CACNA2D3: variants seen among roughly 807,000 people sequenced by gnomAD.
CACNA2D3 encodes calcium voltage-gated channel auxiliary subunit alpha2delta 3.
CACNA2D3 carries 60 observed loss-of-function variants against 160.6 expected under a neutral mutation model. The ratio of observed to expected loss-of-function variants is 0.37; its 90% CI spans 0.30 to 0.46. The LOEUF (loss-of-function observed/expected upper bound fraction) is 0.46, where lower values mean the gene tolerates loss of function less well. Among genes scored for constraint, CACNA2D3 ranks in the 20% least tolerant of loss-of-function variants. The pLI, the probability that CACNA2D3 is intolerant of heterozygous loss-of-function variation, is 1.00. For missense variants in CACNA2D3, 1,205 were observed against 1,365.0 expected, an observed-to-expected ratio of 0.88 and a Z score of 1.85; for synonymous variants, 558 against 492.9, an observed-to-expected ratio of 1.13 and a Z score of -1.75.
chr3:54,469,535 A>G (rs1365510645), intron 4 of CACNA2D3, among the ~76,000 whole-genome samples: 1 of 152,150 alleles, frequency 6.6e-6, no homozygotes, highest in Non-Finnish European at 1.5e-5. Flanking sequence ...CCAAAGGATC[A>G]CAACGCCTTG....
intron 27 of CACNA2D3, chr3:54,918,800 G>A (rs1189551019): frequency 6.2e-7 from 1 of 1,613,710 alleles, no homozygotes; most frequent in African/African-American, 1.3e-5. Context: ...GCAGGAAGAG[G>A]GCAGGGCTGG....
chr3:54,344,637 G>A (rs1205659807), intron 3 of CACNA2D3, among the ~76,000 whole-genome samples: 3 of 152,098 alleles, frequency 2.0e-5, no homozygotes, highest in East Asian at 1.9e-4. Flanking sequence ...GCTCTGTGAC[G>A]TCTATGTAGA....
At chr3:54,219,901 T>A (rs1375458938) in intron 2 of CACNA2D3, among the ~76,000 whole-genome samples, 1 of 151,516 alleles carries the variant, frequency 6.6e-6, no homozygotes, top group Non-Finnish European at 1.5e-5. Context: ...TCTTCTTAAT[T>A]AAAAAAAAAC....
At chr3:54,532,632 T>C (rs1038790343) in intron 5 of CACNA2D3, among the ~76,000 whole-genome samples, 13 of 152,240 alleles carry the variant, frequency 8.5e-5, no homozygotes, top group African/African-American at 3.1e-4. Context: ...AGACATGATT[T>C]CATTCTTTTT....
chr3:54,520,683 T>C (rs892374060), intron 5 of CACNA2D3, among the ~76,000 whole-genome samples: 4 of 152,210 alleles, frequency 2.6e-5, no homozygotes, highest in South Asian at 2.1e-4. Flanking sequence ...TTCACAGATA[T>C]TTGCAGCCAT....
rs538928338 is a variant in CACNA2D3, at chr3:55,049,620, C to T, written c.2988-23825C>T. Among the ~76,000 whole-genome samples the T allele has an allele frequency of 2.2e-3, 332 of 148,616 alleles. 1 individual carries two copies. Among genetic ancestry groups the T allele is most frequent in the Non-Finnish European group, 3.5e-3 (236 of 67,522 alleles). ...GAGTTCTGTAGATGTCTACTAGGTCCGCTTGGTGCAGAGCTGAGTTCAATT... is the reference window on the plus strand; with the variant it reads ...GAGTTCTGTAGATGTCTACTAGGTCTGCTTGGTGCAGAGCTGAGTTCAATT... On this transcript the variant is annotated intron_variant, in intron 35 of 37. Transcript: ENST00000474759.
intron 2 of CACNA2D3, among the ~76,000 whole-genome samples, chr3:54,280,618 C>T (rs930955505): frequency 5.3e-5 from 8 of 152,090 alleles, no homozygotes; most frequent in South Asian, 2.1e-4. Flanking sequence ...CTTGATTCCC[C>T]GCCACAGTTT....
chr3:54,930,300 C>G (rs1397303440), intron 27 of CACNA2D3, among the ~76,000 whole-genome samples: 1 of 152,144 alleles, frequency 6.6e-6, no homozygotes, highest in African/African-American at 2.4e-5. Context: ...CCTCATCTAT[C>G]AAATGAGGGG....
At chr3:54,759,516 T>G (rs554857418) in intron 12 of CACNA2D3, among the ~76,000 whole-genome samples, 1 of 152,228 alleles carries the variant, frequency 6.6e-6, no homozygotes, top group East Asian at 1.9e-4. Flanking sequence ...ATTTTAAACT[T>G]TAATGAGTTG....
intron 2 of CACNA2D3, among the ~76,000 whole-genome samples, chr3:54,193,404 T>A (rs544137752): frequency 6.6e-6 from 1 of 152,230 alleles, no homozygotes; most frequent in Non-Finnish European, 1.5e-5. Flanking sequence ...TTCAGTCTTT[T>A]TGGAATTAGC....
chr3:54,530,233 C>G (rs931052973), intron 5 of CACNA2D3, among the ~76,000 whole-genome samples: 5 of 152,168 alleles, frequency 3.3e-5, no homozygotes, highest in Non-Finnish European at 5.9e-5. Flanking sequence ...TTCTTGCATG[C>G]ACTGTACCGT....
intron 35 of CACNA2D3, among the ~76,000 whole-genome samples, chr3:55,054,931 C>G (rs959502383): frequency 7.9e-5 from 12 of 152,052 alleles, no homozygotes; most frequent in African/African-American, 2.4e-4. Flanking sequence ...GTTTTTGCCT[C>G]TAGCCCTGGA....
chr3:54,581,845 A>G lies in CACNA2D3; in HGVS notation c.931A>G (p.Thr311Ala). The change falls in exon 9 of 38, where the codon ACT (threonine) becomes GCT (alanine). Residue 311 changes from threonine (T) to alanine (A), a missense_variant. By Grantham distance (58) the Thr-to-Ala change is moderately conservative. Transcript: ENST00000474759. ...LHYVEPCLNG[T>A]LVQADRTNKE... is the part of the protein sequence containing the mutation. ...CTATGTGGAACCTTGCCTGAATGGA[A>G]CTTTGGTGCAAGCCGACAGGACAAA... 1 of 1,613,762 alleles carries G rather than the reference A, an allele frequency of 6.2e-7. No homozygotes were observed. Among genetic ancestry groups the G allele is most frequent in the Non-Finnish European group, 8.5e-7 (1 of 1,179,822 alleles).
intron 5 of CACNA2D3, among the ~76,000 whole-genome samples, chr3:54,518,054 C>G (rs139309691): frequency 6.6e-6 from 1 of 152,242 alleles, no homozygotes; most frequent in African/African-American, 2.4e-5. Context: ...CCATAAGTAT[C>G]GTGAATGGAA....
intron 35 of CACNA2D3, among the ~76,000 whole-genome samples, chr3:55,042,142 T>G (rs1333862857): frequency 1.3e-5 from 2 of 152,178 alleles, no homozygotes; most frequent in Non-Finnish European, 2.9e-5. Flanking sequence ...AGTTGAAATA[T>G]TCTATAAATG....
intron 9 of CACNA2D3, among the ~76,000 whole-genome samples, chr3:54,607,710 C>T (rs1305455124): frequency 6.6e-6 from 1 of 152,110 alleles, no homozygotes; most frequent in East Asian, 1.9e-4. Flanking sequence ...ACCTATGACC[C>T]AGCAATCCCA....
intron 2 of CACNA2D3, among the ~76,000 whole-genome samples, chr3:54,145,026 A>G (rs1050537530): frequency 2.6e-5 from 4 of 152,228 alleles, no homozygotes; most frequent in African/African-American, 9.6e-5. Flanking sequence ...TTCACTTTAA[A>G]TATCTCTTTA....
chr3:54,805,819 C>A (rs539851665), intron 13 of CACNA2D3, among the ~76,000 whole-genome samples: 205 of 152,258 alleles, frequency 1.3e-3, no homozygotes, highest in African/African-American at 4.8e-3. Flanking sequence ...TACTGGCAAA[C>A]TGAATCCAGC....
In CACNA2D3 at chr3:54,235,878, G is replaced by C. The variant is rs548683847; in HGVS notation, c.205-84564G>C. 3.3e-5 allele frequency among the ~76,000 whole-genome samples: 5 copies of C among 152,306 alleles called. No individual in the cohort carries two copies. The South Asian group carries it at 1.0e-3, about 32-fold the overall frequency. ...GTGCATAGTGACTTTCTTTCAAAGAGTACAGCATGGAAAGGAAGGGGGAAA... is the reference window on the plus strand; with the variant it reads ...GTGCATAGTGACTTTCTTTCAAAGACTACAGCATGGAAAGGAAGGGGGAAA... On this transcript the variant is annotated intron_variant, in intron 2 of 37. Coordinates refer to ENST00000474759, the MANE Select transcript of CACNA2D3 (RefSeq NM_018398.3).
Sources: allele counts gnomAD v4.1 joint callset (sites outside exome capture counted in the v4.1 genomes callset), GRCh38; gene constraint gnomAD v4.1.1; transcripts MANE v1.5; gene names NCBI Gene and HGNC (gene_info 2026-07-23, HGNC 2026-07-21).